Variants in ADGRA3 observed in about 807,000 individuals in gnomAD.
ADGRA3 encodes G-protein coupled receptor 125.
A neutral mutation model predicts 119.8 loss-of-function variants in ADGRA3; 56 were observed. That is an observed-to-expected ratio of 0.47 (90% CI 0.38 to 0.58). The LOEUF is 0.58. Among genes scored for constraint, ADGRA3 ranks in the 20% least tolerant of loss-of-function variants. ADGRA3 has a pLI of 0.00. For synonymous variants in ADGRA3, 607 were observed against 623.8 expected (o/e 0.97, Z 0.40); for missense variants, 1,516 against 1,649.0 (o/e 0.92, Z 1.40).
intron 1 of ADGRA3, 98 bp downstream of exon 1, chr4:22,515,430 A>C: frequency 7.1e-7 from 1 of 1,415,674 alleles, no homozygotes; most frequent in Non-Finnish European, 9.4e-7. Context: ...GCTCCACACA[A>C]AGGCGCGTGG....
intron 10 of ADGRA3, among the ~76,000 whole-genome samples, chr4:22,431,143 G>A (rs1716151464): frequency 6.6e-6 from 1 of 152,212 alleles, no homozygotes; most frequent in Admixed American, 6.5e-5. Flanking sequence ...GAAGGGAAAT[G>A]TGGGGTCAGA....
intron 1 of ADGRA3, among the ~76,000 whole-genome samples, chr4:22,513,231 C>T (rs556093516): frequency 2.6e-4 from 39 of 151,412 alleles, no homozygotes; most frequent in African/African-American, 8.7e-4. Context: ...CTGCAAACTC[C>T]TTCTCCTTGG....
intron 5 of ADGRA3, among the ~76,000 whole-genome samples, chr4:22,447,039 G>A (rs1215632724): frequency 0.024 from 3 of 124 alleles, no homozygotes; most frequent in Admixed American, 0.5. Flanking sequence ...ATTTTAAGTG[G>A]GGGGGGGGGT....
chr4:22,393,738 T>C (rs1337731577), intron 16 of ADGRA3: 4 of 152,208 alleles, frequency 2.6e-5, no homozygotes, highest in Non-Finnish European at 4.4e-5. Context: ...TTATTACTTA[T>C]TAAGAATGTG....
intron 4 of ADGRA3, among the ~76,000 whole-genome samples, chr4:22,450,117 C>T (rs1012397837): frequency 1.3e-5 from 2 of 152,078 alleles, no homozygotes; most frequent in African/African-American, 4.8e-5. Context: ...CGCAGTCTAG[C>T]TCTGAGATGC....
chr4:22,422,441 A>G (rs1364839891), intron 11 of ADGRA3, among the ~76,000 whole-genome samples: 1 of 152,204 alleles, frequency 6.6e-6, no homozygotes, highest in Admixed American at 6.5e-5. Flanking sequence ...CAATGTAAAC[A>G]CAGTGAAAAG....
chr4:22,463,018 A>G (rs1170823024), intron 2 of ADGRA3, among the ~76,000 whole-genome samples: 1 of 152,066 alleles, frequency 6.6e-6, no homozygotes, highest in African/African-American at 2.4e-5. Flanking sequence ...GCTTTATGGG[A>G]CACCCTCAGC....
At chr4:22,469,037 A>G (rs61792058) in intron 2 of ADGRA3, among the ~76,000 whole-genome samples, 377 of 152,226 alleles carry the variant, frequency 2.5e-3, no homozygotes, top group Middle Eastern at 6.8e-3. Context: ...TCAAGGATCC[A>G]AAACATCAAT....
In ADGRA3 at chr4:22,392,742, G is replaced by T. The variant is rs374961085; in HGVS notation, c.2482-52C>A. On this transcript the variant is annotated intron_variant, in intron 16 of 18. Coordinates refer to ENST00000334304, the MANE Select transcript of ADGRA3 (RefSeq NM_145290.4). ...AAAGAAAAAAAATGTTCCTACTAAG[G>T]CTTACCTCAAAATTGGTAAGTAACT... 4 of 1,532,734 alleles carry T rather than the reference G, an allele frequency of 2.6e-6. No homozygotes were observed. The African/African-American group carries it at 4.2e-5, about 16-fold the overall frequency. The allele number at this position is 1,532,734 out of a possible 1,614,324, so 94.9% of individuals were successfully genotyped here. A position where few individuals can be genotyped will look rare whatever the true frequency, so the allele number is the denominator to read the frequency against.
At chr4:22,401,368 G>T in intron 16 of ADGRA3, 63 bp downstream of exon 16, 6 of 1,421,346 alleles carry the variant, frequency 4.2e-6, no homozygotes, top group Admixed American at 4.4e-5. Context: ...TCTTTTTATA[G>T]TTAATGAAAT....
At position 22,515,681 on chromosome 4, in the gene ADGRA3, C is replaced by T. The variant is rs924625895; in HGVS notation, c.104G>A (p.Gly35Asp). ...LALLGGGGGG[G>D]AAALPAGCKH... Reference sequence around the variant, plus strand: ...GCAGCCGGCGGGCAGCGCCGCGGCGCCGCCGCCGCCGCCGCCTCCCAGCAG... The same window carrying T: ...GCAGCCGGCGGGCAGCGCCGCGGCGTCGCCGCCGCCGCCGCCTCCCAGCAG... Residue 35 changes from glycine (G) to aspartate (D), a missense_variant, in exon 1 of 19, where the codon GGC becomes GAC. By Grantham distance (94) the Gly-to-Asp change is moderately conservative. Coordinates refer to ENST00000334304, the MANE Select transcript of ADGRA3 (RefSeq NM_145290.4). The T allele has an allele frequency of 5.5e-6, 6 of 1,088,800 alleles. No individual in the cohort carries two copies. In the African/African-American group the frequency reaches 6.8e-5, roughly 12 times the overall value. The allele number at this position is 1,088,800 out of a possible 1,614,324, so 67.4% of individuals were successfully genotyped here.
At chr4:22,486,465 C>T (rs185193950) in intron 1 of ADGRA3, among the ~76,000 whole-genome samples, 14 of 152,242 alleles carry the variant, frequency 9.2e-5, no homozygotes, top group Non-Finnish European at 1.3e-4. Context: ...AGGGTATCTG[C>T]GTAAAACAAG....
intron 4 of ADGRA3, among the ~76,000 whole-genome samples, chr4:22,453,501 C>A (rs1560325425): frequency 6.6e-6 from 1 of 152,176 alleles, no homozygotes; most frequent in Non-Finnish European, 1.5e-5. Flanking sequence ...TCTTCCCTTA[C>A]TGTATAGATG....
chr4:22,396,411 C>T (rs963509938), intron 16 of ADGRA3, among the ~76,000 whole-genome samples: 1 of 152,170 alleles, frequency 6.6e-6, no homozygotes, highest in Admixed American at 6.5e-5. Context: ...AAAACATGTA[C>T]ACATGAGGGC....
intron 2 of ADGRA3, among the ~76,000 whole-genome samples, chr4:22,470,021 GCA>G (rs1560333306): frequency 1.3e-5 from 2 of 152,070 alleles, no homozygotes. Context: ...CCCAAGCCTA[GCA>G]CAGTGTGCGC....
intron 10 of ADGRA3, among the ~76,000 whole-genome samples, chr4:22,429,699 A>C (rs34228241): frequency 0.04 from 6,144 of 152,296 alleles, 208 homozygotes; most frequent in East Asian, 0.19. Context: ...TTGACCTTCA[A>C]ACAGGTCCTT....
At chr4:22,399,359 G>A (rs1714512509) in intron 16 of ADGRA3, among the ~76,000 whole-genome samples, 2 of 151,938 alleles carry the variant, frequency 1.3e-5, no homozygotes, top group Admixed American at 1.3e-4. Flanking sequence ...CTTATTTTTA[G>A]TCAAAATTAT....
At chr4:22,493,646 A>C (rs1394273707) in intron 1 of ADGRA3, among the ~76,000 whole-genome samples, 1 of 152,164 alleles carries the variant, frequency 6.6e-6, no homozygotes, top group Non-Finnish European at 1.5e-5. Flanking sequence ...GGGGCCTAGC[A>C]ATCTGTTTTA....
At chr4:22,433,351 A>T (rs1475486975) in intron 10 of ADGRA3, among the ~76,000 whole-genome samples, 2 of 152,212 alleles carry the variant, frequency 1.3e-5, no homozygotes, top group African/African-American at 4.8e-5. Flanking sequence ...TATATTTCAT[A>T]ACCTAATAAA....
Sources: gnomAD v4.1 joint callset for allele counts (sites outside exome capture counted in the v4.1 genomes callset) on GRCh38, gnomAD v4.1.1 for gene constraint, MANE v1.5 for transcripts, NCBI Gene and HGNC (gene_info 2026-07-23, HGNC 2026-07-21) for gene names.